Variants in PXDNL observed in about 807,000 individuals in gnomAD.
PXDNL encodes the protein peroxidasin like, also known as probable oxidoreductase PXDNL.
Under a neutral mutation model 150.8 loss-of-function variants are expected in PXDNL, and 145 were observed. That is an observed-to-expected ratio of 0.96 (90% CI 0.84 to 1.10). PXDNL has a LOEUF of 1.10. PXDNL is among the 50% of genes least tolerant of loss of function. The pLI is 0.00. For missense variants in PXDNL, 2,087 were observed against 1,873.9 expected (o/e 1.11, Z -2.10); for synonymous variants, 757 against 725.7 (o/e 1.04, Z -0.69).
intron 1 of PXDNL, among the ~76,000 whole-genome samples, chr8:51,758,303 C>T (rs964295996): frequency 6.6e-5 from 10 of 152,140 alleles, no homozygotes; most frequent in African/African-American, 2.4e-4. Context: ...GTCTAATATT[C>T]CTTAGCCACC....
Position 51,472,272 on chromosome 8 carries a change from C to T in PXDNL, c.727G>A (p.Val243Met), listed in dbSNP as rs1810359591. Residue 243 changes from valine to methionine, a missense_variant, in exon 8 of 23, where the codon GTG (valine) becomes ATG (methionine). By Grantham distance (21) the Val-to-Met change is conservative. Coordinates refer to ENST00000356297, the MANE Select transcript of PXDNL (RefSeq NM_144651.5). ...ACGGTATTTCCTGATGGTACCTCCA[C>T]ATCCTGCGGCTCAAAAGTAATTCGG... ...SPRITFEPQDVEVPSGNTVYF... is the reference protein window; with the variant it reads ...SPRITFEPQDMEVPSGNTVYF... 3 of 1,613,216 alleles carry T rather than the reference C, an allele frequency of 1.9e-6. No homozygotes were observed. The East Asian group carries it at 6.7e-5, about 36-fold the overall frequency.
intron 1 of PXDNL, among the ~76,000 whole-genome samples, chr8:51,740,842 T>C (rs1459234838): frequency 5.3e-5 from 8 of 152,200 alleles, no homozygotes; most frequent in Non-Finnish European, 1.0e-4. Context: ...CTTTTTAACG[T>C]GCTGCTGGAT....
intron 17 of PXDNL, among the ~76,000 whole-genome samples, chr8:51,384,738 TCTA>T (rs896951799): frequency 3.3e-5 from 5 of 152,138 alleles, no homozygotes; most frequent in Admixed American, 6.5e-5. Flanking sequence ...AACTTTTCTT[TCTA>T]CTACTACTTT....
intron 12 of PXDNL, among the ~76,000 whole-genome samples, chr8:51,445,487 T>C (rs2129915954): frequency 6.6e-6 from 1 of 152,330 alleles, no homozygotes; most frequent in South Asian, 2.1e-4. Context: ...CAAATTCTTC[T>C]ACATATGTCA....
In PXDNL at chr8:51,412,477, C is replaced by T. The variant is rs921528336; in HGVS notation, c.1904+673G>A. Among the ~76,000 whole-genome samples, 6 of 152,134 alleles carry T rather than the reference C, an allele frequency of 3.9e-5. No homozygotes were observed. In the East Asian group the frequency reaches 5.8e-4, roughly 15 times the overall value. On this transcript the variant is annotated intron_variant, in intron 15 of 22. Coordinates refer to ENST00000356297, the MANE Select transcript of PXDNL (RefSeq NM_144651.5). ...TCAGGAAGAGAATATAAATCTAAAT[C>T]GGCTGCGTGGTTCTAGAACACACAT... is the stretch of plus-strand genomic sequence containing the variant.
At chr8:51,647,241 C>T (rs901310403) in intron 2 of PXDNL, among the ~76,000 whole-genome samples, 8 of 152,034 alleles carry the variant, frequency 5.3e-5, no homozygotes, top group Admixed American at 2.0e-4. Context: ...AATCAGAGAA[C>T]GGCAACATAG....
At position 51,753,148 on chromosome 8, in the gene PXDNL, G is replaced by A. The variant is rs143714266; in HGVS notation, c.164+56033C>T. ...CTACAAATGGATTTCTCTTGATTGC[G>A]TAACATTTAACAGGGAATATAGTTT... On this transcript the variant is annotated intron_variant, in intron 1 of 22. Transcript: ENST00000356297. Among the ~76,000 whole-genome samples the A allele has an allele frequency of 8.4e-4, 128 of 152,300 alleles. 1 individual carries two copies. The East Asian group carries it at 0.02, about 24-fold the overall frequency.
At chr8:51,573,313 A>G (rs1812984112) in intron 3 of PXDNL, among the ~76,000 whole-genome samples, 1 of 151,932 alleles carries the variant, frequency 6.6e-6, no homozygotes, top group South Asian at 2.1e-4. Context: ...GGTGATAATA[A>G]TGAAACCCGC....
At chr8:51,361,631 A>G (rs1486071793) in intron 19 of PXDNL, among the ~76,000 whole-genome samples, 1 of 152,172 alleles carries the variant, frequency 6.6e-6, no homozygotes, top group African/African-American at 2.4e-5. Context: ...CAATGTTCCA[A>G]ATGAATAATA....
At position 51,391,765 on chromosome 8, in the gene PXDNL, G is replaced by A. The variant is rs531331765; in HGVS notation, c.3557+16302C>T. On this transcript the variant is annotated intron_variant, in intron 17 of 22. Coordinates refer to ENST00000356297, the MANE Select transcript of PXDNL (RefSeq NM_144651.5). The stretch of plus-strand genomic sequence containing the variant: ...TAATTAGATCCCATTTGTCAATTTT[G>A]GCTTTTGTTGCCATTGCTTTTGGTG... 2.2e-4 allele frequency among the ~76,000 whole-genome samples: 34 copies of A among 152,140 alleles called. No homozygotes were observed. The East Asian group carries it at 5.4e-3, about 24-fold the overall frequency.
At chr8:51,551,053 C>A (rs577196454) in intron 4 of PXDNL, among the ~76,000 whole-genome samples, 2 of 151,658 alleles carry the variant, frequency 1.3e-5, no homozygotes, top group African/African-American at 4.9e-5. Flanking sequence ...AGAACTCAGC[C>A]CCTTTTACAA....
At chr8:51,807,382 G>C (rs2037689388) in intron 1 of PXDNL, among the ~76,000 whole-genome samples, 1 of 152,102 alleles carries the variant, frequency 6.6e-6, no homozygotes, top group Non-Finnish European at 1.5e-5. Context: ...ACAACACCAA[G>C]GGAGGTGGTG....
chr8:51,573,170 C>G (rs1812981745), intron 3 of PXDNL, among the ~76,000 whole-genome samples: 1 of 151,898 alleles, frequency 6.6e-6, no homozygotes, highest in Non-Finnish European at 1.5e-5. Flanking sequence ...GGTTGCACTC[C>G]CACTCATGCC....
At chr8:51,417,824 A>G (rs1808837563) in intron 14 of PXDNL, among the ~76,000 whole-genome samples, 1 of 152,214 alleles carries the variant, frequency 6.6e-6, no homozygotes, top group African/African-American at 2.4e-5. Context: ...TAAACAGCAG[A>G]GAATCTGTCT....
At chr8:51,371,696 G>A (rs551946735) in intron 19 of PXDNL, among the ~76,000 whole-genome samples, 177 bp downstream of exon 19, 37 of 152,304 alleles carry the variant, frequency 2.4e-4, no homozygotes, top group African/African-American at 8.9e-4. Flanking sequence ...GGCAGGTTGG[G>A]AGCCTTTTTC....
chr8:51,511,579 G>A (rs969989891), intron 4 of PXDNL, among the ~76,000 whole-genome samples: 2 of 152,098 alleles, frequency 1.3e-5, no homozygotes, highest in African/African-American at 4.8e-5. Context: ...GAGATATGCA[G>A]GGCCTGGAGT....
At chr8:51,778,329 T>C (rs2037377041) in intron 1 of PXDNL, among the ~76,000 whole-genome samples, 2 of 152,136 alleles carry the variant, frequency 1.3e-5, no homozygotes, top group South Asian at 2.1e-4. Flanking sequence ...TGAGACCTTG[T>C]ATTCCTTCAC....
chr8:51,456,384 G>A lies in PXDNL; in HGVS notation c.982+1114C>T, dbSNP rs1190739569. Among the ~76,000 whole-genome samples, 13 of 152,176 alleles carry A rather than the reference G, an allele frequency of 8.5e-5. No homozygotes were observed. The South Asian group carries it at 1.9e-3, about 22-fold the overall frequency. On this transcript the variant is annotated intron_variant, in intron 9 of 22. Coordinates refer to ENST00000356297, the MANE Select transcript of PXDNL (RefSeq NM_144651.5). ...CTCTGGCTCTCTCCCACTTGTTGTT[G>A]CTTTCAACTTAAAGGTCAATGCTCT...
chr8:51,455,966 G>C (rs777811822), intron 9 of PXDNL, among the ~76,000 whole-genome samples: 1 of 152,132 alleles, frequency 6.6e-6, no homozygotes, highest in Non-Finnish European at 1.5e-5. Flanking sequence ...GCTAACTCAA[G>C]TGTCTTTTTT....
Sources: gnomAD v4.1 joint callset for allele counts (sites outside exome capture counted in the v4.1 genomes callset) on GRCh38, gnomAD v4.1.1 for gene constraint, MANE v1.5 for transcripts, NCBI Gene and HGNC (gene_info 2026-07-23, HGNC 2026-07-21) for gene names.